The following AMZ1 variants were observed in gnomAD, a reference collection of about 807,000 sequenced individuals.
The protein encoded by AMZ1 is archaelysin family metallopeptidase 1, also known as archaemetzincin-1.
Under a neutral mutation model 29.9 loss-of-function variants are expected in AMZ1, and 39 were observed. The observed-to-expected ratio is 1.30, with a 90% CI of 1.01 to 1.70. The LOEUF is 1.70. Among genes scored for constraint, AMZ1 ranks in the 40% most tolerant of loss-of-function variants. The pLI is 0.00. For synonymous variants in AMZ1, 458 were observed against 304.0 expected (o/e 1.51, Z -5.27); for missense variants, 1,041 against 680.6 (o/e 1.53, Z -5.89).
chr7:2,680,706 C>G lies in AMZ1; in HGVS notation c.-219+1035C>G, dbSNP rs535479811. The stretch of plus-strand genomic sequence containing the variant: ...AGCCGCTGGGCCGTGGGTTCAGCCT[C>G]CTCGTGCTGGCCACAGAGTTGGGGC... On this transcript the variant is annotated intron_variant, in intron 1 of 6. Transcript: ENST00000312371. Among the ~76,000 whole-genome samples the G allele has an allele frequency of 2.0e-5, 3 of 152,380 alleles. No homozygotes were observed. In the South Asian group the frequency reaches 6.2e-4, roughly 32 times the overall value.
upstream of AMZ1, among the ~76,000 whole-genome samples, chr7:2,761,736 C>T (rs767452199): frequency 5.9e-5 from 9 of 152,158 alleles, no homozygotes; most frequent in Admixed American, 3.9e-4. Context: ...GAAGAGTTGA[C>T]AAGATGGGCC....
intron 3 of AMZ1, among the ~76,000 whole-genome samples, chr7:2,704,726 A>T (rs552670457): frequency 6.6e-6 from 1 of 150,886 alleles, no homozygotes; most frequent in Non-Finnish European, 1.5e-5. Context: ...CCTCCCGAGT[A>T]GCTGGGCCTA....
chr7:2,760,420 G>A (rs1019330368), upstream of AMZ1: 2 of 152,492 alleles, frequency 1.3e-5, no homozygotes, highest in African/African-American at 4.8e-5. Context: ...AGCAATCAAT[G>A]TCAGTGGTCT....
rs181786753 is a variant in AMZ1 at position 2,708,884 on chromosome 7, C to T, written c.601+168C>T. Among the ~76,000 whole-genome samples, 11 of 152,332 alleles carry T rather than the reference C, an allele frequency of 7.2e-5. No homozygotes were observed. The East Asian group carries it at 2.1e-3, about 29-fold the overall frequency. The stretch of plus-strand genomic sequence containing the variant: ...CCTTCCAGCTCCTCCTGAGGAATGG[C>T]ATAGGGGCTGTTCCTCAGCTGTGGC... On this transcript the variant is annotated intron_variant, in intron 4 of 6. Coordinates refer to ENST00000683327, the MANE Select transcript of AMZ1 (RefSeq NM_001384743.1).
chr7:2,689,379 GA>G (rs1266188365), intron 1 of AMZ1, among the ~76,000 whole-genome samples: 1 of 151,992 alleles, frequency 6.6e-6, no homozygotes, highest in African/African-American at 2.4e-5. Flanking sequence ...CTGGGGGGGG[GA>G]TGCGGACGTG....
upstream of AMZ1, among the ~76,000 whole-genome samples, chr7:2,764,061 G>A (rs928801045): frequency 6.6e-6 from 1 of 152,016 alleles, no homozygotes; most frequent in Non-Finnish European, 1.5e-5. Context: ...CCTCTGATTG[G>A]TTGAGTATTT....
chr7:2,758,348 G>A (rs553986259), intron 4 of AMZ1, among the ~76,000 whole-genome samples: 1 of 152,284 alleles, frequency 6.6e-6, no homozygotes, highest in East Asian at 1.9e-4. Flanking sequence ...CTCATACGTC[G>A]TGTGGCCTCT....
chr7:2,748,800 A>T (rs1007186285), intron 4 of AMZ1, among the ~76,000 whole-genome samples: 1 of 152,024 alleles, frequency 6.6e-6, no homozygotes. Context: ...CAATGAACTC[A>T]AACAAATTTA....
chr7:2,698,495 GA>G (rs1787867676), intron 1 of AMZ1, among the ~76,000 whole-genome samples: 1 of 151,908 alleles, frequency 6.6e-6, no homozygotes, highest in African/African-American at 2.4e-5. Context: ...CCCAGATCAC[GA>G]CACTGCATTC....
At chr7:2,724,172 G>A (rs1482859086), downstream of AMZ1, among the ~76,000 whole-genome samples, 1 of 152,126 alleles carries the variant, frequency 6.6e-6, no homozygotes, top group Admixed American at 6.6e-5. Context: ...ACCCGCCTCA[G>A]CCTCCCAAGG....
chr7:2,691,730 C>CAAAAAAAAAAA (rs55752807), intron 1 of AMZ1, among the ~76,000 whole-genome samples: 39 of 84,632 alleles, frequency 4.6e-4, no homozygotes, highest in African/African-American at 2.2e-3. Context: ...GGCTCCGTCT[C>CAAAAAAAAAAA]AAAAAAAAAA....
intron 3 of AMZ1, among the ~76,000 whole-genome samples, chr7:2,707,663 T>G (rs1031475458): frequency 6.6e-6 from 1 of 152,038 alleles, no homozygotes; most frequent in African/African-American, 2.4e-5. Flanking sequence ...AGTCAAGGGT[T>G]GGCTCCAGGA....
intron 4 of AMZ1, among the ~76,000 whole-genome samples, chr7:2,745,405 T>A (rs1384068124): frequency 6.6e-6 from 1 of 152,206 alleles, no homozygotes; most frequent in Non-Finnish European, 1.5e-5. Context: ...CAGAATTTCA[T>A]ATCCAGCCAA....
In AMZ1 at chr7:2,708,583, C is replaced by T. The variant is rs377680143; in HGVS notation, c.473-5C>T. 1.2e-4 allele frequency: 189 copies of T among 1,612,106 alleles called. 1 individual carries two copies. The highest frequency in any genetic ancestry group is 4.7e-4 in the African/African-American group (35 of 75,026). ...TGACCCCATCCTCTGGCCCTCTCCC[C>T]GCAGACGGCATCCTGTCCTTCTTGA... On this transcript the variant is annotated splice_region_variant and splice_polypyrimidine_tract_variant and intron_variant, in intron 3 of 6. Transcript: ENST00000683327.
rs538907461 is a variant in AMZ1, at chr7:2,734,439, T to C, written n.550+24623T>C. Among the ~76,000 whole-genome samples, 46 of 152,320 alleles carry C rather than the reference T, an allele frequency of 3.0e-4. No homozygotes were observed. The South Asian group carries it at 8.9e-3, about 30-fold the overall frequency. On this transcript the variant is annotated intron_variant and non_coding_transcript_variant, in intron 4 of 4. Transcript: ENST00000489665. ...CAGGGCTTGTGGGAAGAGCAGTCACTTTCTGTGTTCTCATGGAAATGTACA... is the reference window on the plus strand; with the variant it reads ...CAGGGCTTGTGGGAAGAGCAGTCACCTTCTGTGTTCTCATGGAAATGTACA...
rs1383986373 is a variant in AMZ1, at chr7:2,716,815, CGAAAT to C, written c.*3940_*3944del. Among the ~76,000 whole-genome samples the C allele has an allele frequency of 3.3e-5, 5 of 152,206 alleles. No homozygotes were observed. The highest frequency in any genetic ancestry group is 1.2e-4 in the African/African-American group (5 of 41,442). On this transcript the variant is annotated 3_prime_UTR_variant, in exon 7 of 7. Coordinates refer to ENST00000683327, the MANE Select transcript of AMZ1 (RefSeq NM_001384743.1). ...ATTTTTTTACATCATCATCGAGTCT[CGAAAT>C]GACCTGTAAGGCAGATGGCTGCATC...
At chr7:2,696,102 C>T (rs1042008535) in intron 1 of AMZ1, among the ~76,000 whole-genome samples, 2 of 151,828 alleles carry the variant, frequency 1.3e-5, no homozygotes, top group African/African-American at 2.4e-5. Flanking sequence ...CCCCCACAAC[C>T]TCTGATTCTG....
intron 1 of AMZ1, among the ~76,000 whole-genome samples, chr7:2,699,910 T>A (rs540574312): frequency 6.6e-6 from 1 of 152,002 alleles, no homozygotes; most frequent in Non-Finnish European, 1.5e-5. Context: ...TGGGGGCCCA[T>A]GGACACATGT....
chr7:2,717,614 A>G lies in AMZ1; in HGVS notation c.*4736A>G, dbSNP rs1001596164. On this transcript the variant is annotated 3_prime_UTR_variant, in exon 7 of 7. Transcript: ENST00000683327. ...ATGGCTCTTGGAACACGAGGCTGTC[A>G]AAGATAAACACCGCAGGGTAATCTA... is the stretch of plus-strand genomic sequence containing the variant. Among the ~76,000 whole-genome samples, 2 of 152,230 alleles carry G rather than the reference A, an allele frequency of 1.3e-5. No homozygotes were observed. Among genetic ancestry groups the G allele is most frequent in the African/African-American group, 2.4e-5 (1 of 41,462 alleles).
Sources: allele counts gnomAD v4.1 joint callset (sites outside exome capture counted in the v4.1 genomes callset), GRCh38; gene constraint gnomAD v4.1.1; transcripts MANE v1.5; gene names NCBI Gene and HGNC (gene_info 2026-07-23, HGNC 2026-07-21).